NUDCD1: variants seen among roughly 807,000 people sequenced by gnomAD.
NUDCD1 encodes NudC domain containing 1, also known as nudC domain-containing protein 1.
A neutral mutation model predicts 67.8 loss-of-function variants in NUDCD1; 60 were observed. That is an observed-to-expected ratio of 0.88 (90% CI 0.72 to 1.10). The LOEUF (loss-of-function observed/expected upper bound fraction) is 1.10, where lower values mean the gene tolerates loss of function less well. Among genes scored for constraint, NUDCD1 ranks in the 50% least tolerant of loss-of-function variants. The pLI, the probability that NUDCD1 is intolerant of heterozygous loss-of-function variation, is 0.00. For synonymous variants in NUDCD1, 244 were observed against 230.8 expected (o/e 1.06, Z -0.52); for missense variants, 643 against 695.0 (o/e 0.93, Z 0.84).
rs1174744710 is a variant in NUDCD1, at chr8:109,241,833, T to G, written c.*1176A>C. On this transcript the variant is annotated 3_prime_UTR_variant, in exon 10 of 10. Coordinates refer to ENST00000239690, the MANE Select transcript of NUDCD1 (RefSeq NM_032869.4). ...ATCTTCTGCCTCTTAAATGAAGGTCTTAACTTCCTTATTAAAATATAAAAT... is the reference window on the plus strand; with the variant it reads ...ATCTTCTGCCTCTTAAATGAAGGTCGTAACTTCCTTATTAAAATATAAAAT... 6 of 362,664 alleles carry G rather than the reference T, an allele frequency of 1.7e-5. No individual in the cohort carries two copies. Among genetic ancestry groups the G allele is most frequent in the Admixed American group, 9.2e-5 (2 of 21,800 alleles). 22.5% of individuals were successfully genotyped at this position (362,664 alleles called of 1,614,324 possible). A position where few individuals can be genotyped will look rare whatever the true frequency, so the allele number is the denominator to read the frequency against.
intron 1 of NUDCD1, among the ~76,000 whole-genome samples, chr8:109,329,431 C>T (rs995686292): frequency 6.6e-6 from 1 of 151,948 alleles, no homozygotes; most frequent in African/African-American, 2.4e-5. Flanking sequence ...TATCAAACTG[C>T]TCAAAACCAA....
At chr8:109,316,811 G>A (rs1022521491) in intron 2 of NUDCD1, among the ~76,000 whole-genome samples, 3 of 152,156 alleles carry the variant, frequency 2.0e-5, no homozygotes, top group African/African-American at 2.4e-5. Flanking sequence ...GACCAACCCT[G>A]ACAATAATGA....
intron 1 of NUDCD1, among the ~76,000 whole-genome samples, chr8:109,323,199 CAT>C (rs999606771): frequency 5.9e-5 from 9 of 152,144 alleles, no homozygotes; most frequent in African/African-American, 2.2e-4. Context: ...CAGCAGGAAA[CAT>C]ATAAATGGAT....
At chr8:109,312,010 T>C (rs968928775) in intron 2 of NUDCD1, among the ~76,000 whole-genome samples, 11 of 151,854 alleles carry the variant, frequency 7.2e-5, no homozygotes, top group African/African-American at 2.2e-4. Flanking sequence ...AACTATAGTT[T>C]AAAAAAAGTC....
chr8:109,242,641 G>A lies in NUDCD1; in HGVS notation c.*368C>T, dbSNP rs1313305963. ...TAACTATTATCCTGTACATCTTATA[G>A]GTACAGCCTGTAGCAACTAATCAAC... On this transcript the variant is annotated 3_prime_UTR_variant, in exon 10 of 10. Coordinates refer to ENST00000239690, the MANE Select transcript of NUDCD1 (RefSeq NM_032869.4). 1 of 169,818 alleles carries A rather than the reference G, an allele frequency of 5.9e-6. No individual in the cohort carries two copies. Among genetic ancestry groups the A allele is most frequent in the Non-Finnish European group, 1.3e-5 (1 of 78,716 alleles). 10.5% of individuals were successfully genotyped at this position (169,818 alleles called of 1,614,324 possible).
chr8:109,255,768 A>C (rs1358072491), intron 8 of NUDCD1, among the ~76,000 whole-genome samples: 1 of 152,166 alleles, frequency 6.6e-6, no homozygotes, highest in Non-Finnish European at 1.5e-5. Context: ...ACAGAGGTAA[A>C]TAAAGAGAAT....
intron 4 of NUDCD1, among the ~76,000 whole-genome samples, chr8:109,292,910 T>C (rs192421109): frequency 1.0e-3 from 154 of 152,148 alleles, no homozygotes; most frequent in Non-Finnish European, 1.9e-3. Flanking sequence ...TTAAAAGAAA[T>C]CATACCTGTA....
At chr8:109,272,663 G>A (rs1814184731) in intron 7 of NUDCD1, among the ~76,000 whole-genome samples, 1 of 152,040 alleles carries the variant, frequency 6.6e-6, no homozygotes. Flanking sequence ...ACAGAGATAT[G>A]TTAATTCTCA....
intron 9 of NUDCD1, among the ~76,000 whole-genome samples, chr8:109,244,714 T>C (rs1813454653): frequency 6.6e-6 from 1 of 152,222 alleles, no homozygotes; most frequent in Non-Finnish European, 1.5e-5. Flanking sequence ...ACAATACTAA[T>C]GCATTTTGAC....
chr8:109,308,352 C>T (rs531218677), intron 2 of NUDCD1, among the ~76,000 whole-genome samples: 16 of 152,114 alleles, frequency 1.1e-4, no homozygotes, highest in Non-Finnish European at 2.4e-4. Flanking sequence ...AGTTCATAGC[C>T]CTAAACACCT....
Position 109,306,280 on chromosome 8 carries a change from T to G in NUDCD1, c.274-9711A>C, listed in dbSNP as rs1034779673. Among the ~76,000 whole-genome samples the G allele has an allele frequency of 3.9e-5, 6 of 152,188 alleles. No homozygotes were observed. The East Asian group carries it at 1.2e-3, about 29-fold the overall frequency. ...AGGTTACACTCCAATACTTTCACCCTGATGAAGTCCTATTCTTTACTTTTA... is the reference window on the plus strand; with the variant it reads ...AGGTTACACTCCAATACTTTCACCCGGATGAAGTCCTATTCTTTACTTTTA... On this transcript the variant is annotated intron_variant, in intron 2 of 9. Coordinates refer to ENST00000239690, the MANE Select transcript of NUDCD1 (RefSeq NM_032869.4).
chr8:109,262,627 A>G (rs1377219558), intron 8 of NUDCD1, among the ~76,000 whole-genome samples: 1 of 152,146 alleles, frequency 6.6e-6, no homozygotes, highest in African/African-American at 2.4e-5. Context: ...CATTCTTCCA[A>G]AGTAAATCAA....
chr8:109,327,042 G>C (rs143572703), intron 1 of NUDCD1, among the ~76,000 whole-genome samples: 3 of 152,130 alleles, frequency 2.0e-5, no homozygotes, highest in Non-Finnish European at 4.4e-5. Context: ...TTTAAAGAGG[G>C]GGAAGAGAGA....
At chr8:109,296,711 T>C in intron 2 of NUDCD1, 142 bp from the exon 3 acceptor site, 2 of 588,422 alleles carry the variant, frequency 3.4e-6, no homozygotes, top group Non-Finnish European at 5.8e-6. Flanking sequence ...GCTGTCCTAC[T>C]GATTCAGTTT....
At chr8:109,260,950 T>C (rs1002595866) in intron 8 of NUDCD1, among the ~76,000 whole-genome samples, 1 of 152,238 alleles carries the variant, frequency 6.6e-6, no homozygotes, top group Non-Finnish European at 1.5e-5. Context: ...AAGCACCATA[T>C]ACATTTATTT....
chr8:109,249,370 A>G (rs1010854432), intron 8 of NUDCD1, among the ~76,000 whole-genome samples: 1 of 152,226 alleles, frequency 6.6e-6, no homozygotes, highest in African/African-American at 2.4e-5. Context: ...GCTTTCAAGT[A>G]ATCTTCCCGT....
At chr8:109,312,901 C>T (rs1815290421) in intron 2 of NUDCD1, among the ~76,000 whole-genome samples, 1 of 152,206 alleles carries the variant, frequency 6.6e-6, no homozygotes, top group Non-Finnish European at 1.5e-5. Flanking sequence ...AACATCAACA[C>T]TGTCAAGGCT....
chr8:109,243,270 T>C lies in NUDCD1; in HGVS notation c.1491A>G (p.Lys497=). 6.2e-7 allele frequency: 1 copy of C among 1,600,590 alleles called. No homozygotes were observed. The highest frequency in any genetic ancestry group is 1.1e-5 in the South Asian group (1 of 89,764). The part of the protein sequence containing the change: ...GYVQASKRDK[K]FFACAPNYSY... Reference sequence around the variant, plus strand: ...AGTAATTTGGAGCACAGGCAAAAAATTTTTTGTCTCTCTTTGATGCTTGGA... The same window carrying C: ...AGTAATTTGGAGCACAGGCAAAAAACTTTTTGTCTCTCTTTGATGCTTGGA... The change falls in exon 10 of 10, where the codon AAA becomes AAG. Residue 497 remains lysine (K), a synonymous_variant. Transcript: ENST00000239690.
chr8:109,331,515 C>CAAAAAAAA (rs59203626), intron 1 of NUDCD1, among the ~76,000 whole-genome samples: 1 of 65,874 alleles, frequency 1.5e-5, no homozygotes, highest in Non-Finnish European at 3.1e-5. Flanking sequence ...GACTCAGACT[C>CAAAAAAAA]AAAAAAAAAA....
Sources: gnomAD v4.1 joint callset for allele counts (sites outside exome capture counted in the v4.1 genomes callset) on GRCh38, gnomAD v4.1.1 for gene constraint, MANE v1.5 for transcripts, NCBI Gene and HGNC (gene_info 2026-07-23, HGNC 2026-07-21) for gene names.